TEX22: variants seen among roughly 807,000 people sequenced by gnomAD.
The protein encoded by TEX22 is testis-expressed protein 22.
A neutral mutation model predicts 11.3 loss-of-function variants in TEX22; 16 were observed. The ratio of observed to expected loss-of-function variants is 1.42; its 90% CI spans 0.96 to 2.15. TEX22 has a LOEUF of 2.15. Among genes scored for constraint, TEX22 ranks in the 30% most tolerant of loss-of-function variants. The pLI is 0.00. For missense variants in TEX22, 220 were observed against 208.6 expected, an observed-to-expected ratio of 1.05 and a Z score of -0.34; for synonymous variants, 97 against 92.3, an observed-to-expected ratio of 1.05 and a Z score of -0.29.
intron 2 of TEX22, among the ~76,000 whole-genome samples, chr14:105,407,295 T>G (rs2081663446): frequency 6.6e-6 from 1 of 152,154 alleles, no homozygotes; most frequent in Non-Finnish European, 1.5e-5. Context: ...CTCGAACTCC[T>G]GAGCTCAGGC....
At chr14:105,402,569 A>G (rs1024474023) in intron 2 of TEX22, among the ~76,000 whole-genome samples, 8 of 151,796 alleles carry the variant, frequency 5.3e-5, no homozygotes, top group Admixed American at 2.0e-4. Context: ...CCTGGCTAAC[A>G]CGGTGAAACC....
rs2081704409 is a variant in TEX22 at position 105,413,030 on chromosome 14, A to T, written c.*1197A>T. The T allele has an allele frequency of 6.6e-6, 1 of 152,240 alleles. No homozygotes were observed. The highest frequency in any genetic ancestry group is 1.5e-5 in the Non-Finnish European group (1 of 68,124). 9.4% of individuals were successfully genotyped at this position (152,240 alleles called of 1,614,324 possible). A position where few individuals can be genotyped will look rare whatever the true frequency, so the allele number is the denominator to read the frequency against. Reference sequence around the variant, plus strand: ...CTGCCTGTCTCCCCTTCTTACTGTAAGACTCAGTGAAGTTCCCTCCTCCTT... The same window carrying T: ...CTGCCTGTCTCCCCTTCTTACTGTATGACTCAGTGAAGTTCCCTCCTCCTT... On this transcript the variant is annotated 3_prime_UTR_variant, in exon 4 of 4. Coordinates refer to ENST00000451127, the MANE Select transcript of TEX22 (RefSeq NM_001195082.2). The surrounding 1 kb of genome is among the most constrained non-coding windows in gnomAD (Gnocchi z 4.2).
In TEX22 at chr14:105,412,997, C is replaced by T. The variant is rs1555419548; in HGVS notation, c.*1164C>T. 1 of 152,394 alleles carries T rather than the reference C, an allele frequency of 6.6e-6. No individual in the cohort carries two copies. The allele number at this position is 152,394 out of a possible 1,614,324, so 9.4% of individuals were successfully genotyped here. On this transcript the variant is annotated 3_prime_UTR_variant, in exon 4 of 4. Transcript: ENST00000451127. The surrounding 1 kb of genome is among the most constrained non-coding windows in gnomAD (Gnocchi z 5.8). The stretch of plus-strand genomic sequence containing the variant: ...CAGGATCCCTGGCCCGAGTTGAATC[C>T]TCTGCACCTGCCTGTCTCCCCTTCT...
At chr14:105,404,265 A>G (rs1290552436) in intron 2 of TEX22, among the ~76,000 whole-genome samples, 4 of 152,204 alleles carry the variant, frequency 2.6e-5, no homozygotes, top group Non-Finnish European at 5.9e-5. Flanking sequence ...CCCATAGGAC[A>G]GCTTCAGTAT....
Position 105,411,458 on chromosome 14 carries a change from G to A in TEX22, c.241G>A (p.Glu81Lys), listed in dbSNP as rs1237571700. 17 of 1,233,934 alleles carry A rather than the reference G, an allele frequency of 1.4e-5. No homozygotes were observed. The highest frequency in any genetic ancestry group is 1.6e-5 in the Non-Finnish European group (16 of 990,990). The allele number at this position is 1,233,934 out of a possible 1,614,324, so 76.4% of individuals were successfully genotyped here. A position where few individuals can be genotyped will look rare whatever the true frequency, so the allele number is the denominator to read the frequency against. The change falls in exon 3 of 4, where the codon GAG becomes AAG. Residue 81 changes from glutamate to lysine, a missense_variant. By Grantham distance (56) the Glu-to-Lys change is moderately conservative. Transcript: ENST00000451127. Reference sequence around the variant, plus strand: ...GCGGCTGGCCACGCTGGGCGGCCGGGAGAGGCCGGGCGCCGCCGGGACCCA... The same window carrying A: ...GCGGCTGGCCACGCTGGGCGGCCGGAAGAGGCCGGGCGCCGCCGGGACCCA... ...RRRLATLGGRERPGAAGTQLH... is the reference protein window; with the variant it reads ...RRRLATLGGRKRPGAAGTQLH...
intron 2 of TEX22, among the ~76,000 whole-genome samples, chr14:105,402,054 T>A (rs2081630016): frequency 6.6e-6 from 1 of 151,994 alleles, no homozygotes; most frequent in African/African-American, 2.4e-5. Flanking sequence ...GGCATGGTGG[T>A]GGGTGCCTAT....
intron 2 of TEX22, among the ~76,000 whole-genome samples, chr14:105,403,968 A>G (rs1555418667): frequency 6.6e-6 from 1 of 152,204 alleles, no homozygotes; most frequent in African/African-American, 2.4e-5. Flanking sequence ...GCCTTTGGCA[A>G]TGTATTGGTT....
At chr14:105,402,867 G>A (rs184137804) in intron 2 of TEX22, among the ~76,000 whole-genome samples, 1 of 152,140 alleles carries the variant, frequency 6.6e-6, no homozygotes, top group African/African-American at 2.4e-5. Flanking sequence ...TATCATATTG[G>A]ATGGGCAGAT....
At chr14:105,401,376 C>T (rs1201858103) in intron 2 of TEX22, among the ~76,000 whole-genome samples, 1 of 151,978 alleles carries the variant, frequency 6.6e-6, no homozygotes, top group Non-Finnish European at 1.5e-5. Context: ...CAGTATCTTT[C>T]CTTAAGAACA....
intron 2 of TEX22, among the ~76,000 whole-genome samples, chr14:105,403,232 A>G (rs914601263): frequency 1.3e-4 from 20 of 152,220 alleles, no homozygotes; most frequent in South Asian, 2.1e-4. Context: ...AAAGGAAACT[A>G]TTTTACATTT....
chr14:105,399,228 A>G (rs897404823), intron 1 of TEX22, 74 bp from the exon 2 acceptor site: 13 of 850,686 alleles, frequency 1.5e-5, no homozygotes, highest in South Asian at 3.4e-5. Flanking sequence ...ATCTGCCCCC[A>G]GGGACTCAGG....
chr14:105,401,951 C>T (rs782167116), intron 2 of TEX22, among the ~76,000 whole-genome samples: 2 of 152,008 alleles, frequency 1.3e-5, no homozygotes, highest in Admixed American at 6.5e-5. Flanking sequence ...TTCAGGAGGC[C>T]GAGGCAGGCG....
In TEX22 at chr14:105,412,115, C is replaced by T. The variant is rs782117352; in HGVS notation, c.*282C>T. On this transcript the variant is annotated 3_prime_UTR_variant, in exon 4 of 4. Transcript: ENST00000451127. The surrounding 1 kb of genome is among the most constrained non-coding windows in gnomAD (Gnocchi z 5.8). ...GGTAGCAGGAGCTTGCCCTCGGGGC[C>T]GCTGGGAGGAGGCCTGGGGTACCTG... 3.9e-5 allele frequency: 12 copies of T among 311,496 alleles called. No individual in the cohort carries two copies. The highest frequency in any genetic ancestry group is 5.9e-5 in the Non-Finnish European group (10 of 169,302). 19.3% of individuals were successfully genotyped at this position (311,496 alleles called of 1,614,324 possible).
At chr14:105,401,924 G>T (rs1324777772) in intron 2 of TEX22, among the ~76,000 whole-genome samples, 2 of 152,216 alleles carry the variant, frequency 1.3e-5, no homozygotes, top group Non-Finnish European at 2.9e-5. Flanking sequence ...GGTGGCTCAT[G>T]CCTGTAATCC....
intron 2 of TEX22, among the ~76,000 whole-genome samples, chr14:105,402,470 A>T (rs1364521192): frequency 6.8e-6 from 1 of 147,290 alleles, no homozygotes. Context: ...TAAACCTGTT[A>T]TTGGCCGGGT....
chr14:105,410,680 C>T (rs1159643942), intron 2 of TEX22, among the ~76,000 whole-genome samples: 3 of 152,268 alleles, frequency 2.0e-5, no homozygotes, highest in Non-Finnish European at 4.4e-5. Context: ...TCTCTCCCCT[C>T]TCCCCTTCCC....
At chr14:105,405,970 G>T (rs1262356871) in intron 2 of TEX22, among the ~76,000 whole-genome samples, 1 of 152,196 alleles carries the variant, frequency 6.6e-6, no homozygotes, top group Non-Finnish European at 1.5e-5. Context: ...AAGTAACCCG[G>T]AAACCAACCT....
chr14:105,404,046 T>C lies in TEX22; in HGVS notation c.150+4556T>C, dbSNP rs144861381. On this transcript the variant is annotated intron_variant, in intron 2 of 3. Coordinates refer to ENST00000451127, the MANE Select transcript of TEX22 (RefSeq NM_001195082.2). ...AAAACAGTAAGTATTTTTATCTTAG[T>C]TTCCGTAGGTCAGAAATTTGGGAGC... Among the ~76,000 whole-genome samples, 278 of 152,326 alleles carry C rather than the reference T, an allele frequency of 1.8e-3. 3 individuals are homozygous for C. Among genetic ancestry groups the C allele is most frequent in the African/African-American group, 6.6e-3 (276 of 41,572 alleles).
chr14:105,401,606 T>C lies in TEX22; in HGVS notation c.150+2116T>C, dbSNP rs369636717. Among the ~76,000 whole-genome samples the C allele has an allele frequency of 1.1e-3, 157 of 137,744 alleles. 1 individual carries two copies. Among genetic ancestry groups the C allele is most frequent in the Middle Eastern group, 7.0e-3 (2 of 284 alleles). 90.4% of individuals were successfully genotyped at this position (137,744 alleles called of 152,430 possible). A position where few individuals can be genotyped will look rare whatever the true frequency, so the allele number is the denominator to read the frequency against. Reference sequence around the variant, plus strand: ...GTGGGGTGGGGGGAGGGGGGAGGGATAGCATTAGGAGATACACCTAATGCT... The same window carrying C: ...GTGGGGTGGGGGGAGGGGGGAGGGACAGCATTAGGAGATACACCTAATGCT... On this transcript the variant is annotated intron_variant, in intron 2 of 3. Transcript: ENST00000451127.
Sources: allele counts gnomAD v4.1 joint callset (sites outside exome capture counted in the v4.1 genomes callset), GRCh38; gene constraint gnomAD v4.1.1; non-coding constraint Gnocchi (gnomAD v3.1); transcripts MANE v1.5; gene names NCBI Gene and HGNC (gene_info 2026-07-23, HGNC 2026-07-21).